The following SRD5A2 variants were observed in gnomAD, a reference collection of about 807,000 sequenced individuals.
SRD5A2 encodes the protein 3-oxo-5-alpha-steroid 4-dehydrogenase 2.
Under a neutral mutation model 27.4 loss-of-function variants are expected in SRD5A2, and 30 were observed. That is an observed-to-expected ratio of 1.10 (90% CI 0.82 to 1.49). SRD5A2 has a LOEUF of 1.49. Ranked by LOEUF, SRD5A2 falls within the 40% of genes most tolerant of loss-of-function variation. The probability of loss-of-function intolerance (pLI) is 0.00; values close to 1 mark genes in which losing one functional copy is unlikely to be tolerated. For missense variants in SRD5A2, 348 were observed against 323.4 expected (o/e 1.08, Z -0.58); for synonymous variants, 141 against 133.6 (o/e 1.06, Z -0.38).
At chr2:31,661,257 T>C in the SRD5A2 span, among the ~76,000 whole-genome samples, 3 of 152,158 alleles carry the variant, frequency 2.0e-5, no homozygotes. Context: ...AGATTCCTAC[T>C]CATTGAGTCT....
Position 31,525,220 on chromosome 2 carries a change from A to T in SRD5A2, c.*976T>A, listed in dbSNP as rs1665750740. 1 of 222,444 alleles carries T rather than the reference A, an allele frequency of 4.5e-6. No individual in the cohort carries two copies. The highest frequency in any genetic ancestry group is 9.0e-6 in the Non-Finnish European group (1 of 111,304). 13.8% of individuals were successfully genotyped at this position (222,444 alleles called of 1,614,324 possible). A position where few individuals can be genotyped will look rare whatever the true frequency, so the allele number is the denominator to read the frequency against. On this transcript the variant is annotated 3_prime_UTR_variant, in exon 5 of 5. Coordinates refer to ENST00000622030, the MANE Select transcript of SRD5A2 (RefSeq NM_000348.4). ...AGAACTACAAGGAAGAAGCTCCAGG[A>T]AAGGAAAGTTGCTTGGGGCTTCTGC...
intron 1 of SRD5A2, among the ~76,000 whole-genome samples, chr2:31,541,928 C>T (rs6543633): frequency 0.17 from 26,014 of 152,178 alleles, 2,746 homozygotes; most frequent in African/African-American, 0.3. Flanking sequence ...ATCCCAGCAG[C>T]TGGAACTTGA....
chr2:31,554,239 T>C (rs1020210843), intron 1 of SRD5A2, among the ~76,000 whole-genome samples: 2 of 152,110 alleles, frequency 1.3e-5, no homozygotes, highest in Non-Finnish European at 2.9e-5. Flanking sequence ...AAAAATGTCT[T>C]ACCTCAATCT....
upstream of SRD5A2, among the ~76,000 whole-genome samples, chr2:31,584,129 G>A (rs1377502599): frequency 6.6e-6 from 1 of 152,132 alleles, no homozygotes; most frequent in Non-Finnish European, 1.5e-5. Flanking sequence ...GGGAACGTAT[G>A]AGCCCTGAAT....
chr2:31,580,688 C>A lies in SRD5A2; in HGVS notation c.213G>T (p.Gln71His). Residue 71 changes from glutamine (Q) to histidine (H), a missense_variant, in exon 1 of 5, where the codon CAG (glutamine) becomes CAT (histidine). Physicochemically the swap from Gln to His is conservative, Grantham distance 24 (BLOSUM62 0). Coordinates refer to ENST00000622030, the MANE Select transcript of SRD5A2 (RefSeq NM_000348.4). ...FAVPAGILAR[Q>H]PLSLFGPPGT... ...CAGGTGGCCCGAAGAGGGAGAGGGG[C>A]TGCCGGGCGAGGATCCCCGCGGGCA... The A allele has an allele frequency of 6.3e-7, 1 of 1,599,928 alleles. No homozygotes were observed. Among genetic ancestry groups the A allele is most frequent in the Non-Finnish European group, 8.5e-7 (1 of 1,178,054 alleles).
the SRD5A2 span, among the ~76,000 whole-genome samples, chr2:31,639,401 T>C: frequency 6.6e-6 from 1 of 152,134 alleles, no homozygotes; most frequent in African/African-American, 2.4e-5. Context: ...TGGAGTATTC[T>C]GAGTGTGTCC....
the SRD5A2 span, among the ~76,000 whole-genome samples, chr2:31,627,571 T>C: frequency 1.3e-5 from 2 of 152,108 alleles, no homozygotes; most frequent in Non-Finnish European, 2.9e-5. Flanking sequence ...GTTTGTTAAA[T>C]CGAGATCTTT....
At chr2:31,626,603 A>G in the SRD5A2 span, among the ~76,000 whole-genome samples, 1 of 152,098 alleles carries the variant, frequency 6.6e-6, no homozygotes, top group Non-Finnish European at 1.5e-5. Flanking sequence ...TTCTGCATCT[A>G]TTGAGATAAT....
chr2:31,634,953 A>G, the SRD5A2 span, among the ~76,000 whole-genome samples: 2 of 152,084 alleles, frequency 1.3e-5, no homozygotes, highest in African/African-American at 4.8e-5. Context: ...CACTGCTTGA[A>G]TCTGTATTTT....
chr2:31,582,016 CT>C (rs1667092114), upstream of SRD5A2, among the ~76,000 whole-genome samples: 1 of 152,212 alleles, frequency 6.6e-6, no homozygotes, highest in Admixed American at 6.5e-5. Context: ...TCTCTTCCTT[CT>C]TTCTTCGACC....
At chr2:31,531,558 G>C (rs1218225858) in intron 2 of SRD5A2, 86 bp from the exon 3 acceptor site, 2 of 886,114 alleles carry the variant, frequency 2.3e-6, no homozygotes, top group Non-Finnish European at 3.5e-6. Flanking sequence ...TAAAATGAAA[G>C]GAGGGGCATT....
the SRD5A2 span, among the ~76,000 whole-genome samples, chr2:31,602,796 A>C: frequency 6.6e-6 from 1 of 151,780 alleles, no homozygotes. Context: ...TGACAAAAAA[A>C]AGAAAAACAG....
intron 1 of SRD5A2, among the ~76,000 whole-genome samples, chr2:31,536,083 T>C (rs1211156731): frequency 6.6e-6 from 1 of 152,232 alleles, no homozygotes; most frequent in East Asian, 1.9e-4. Context: ...AAAAAGTAAC[T>C]GATACAGGAT....
At chr2:31,569,492 C>G (rs985663692) in intron 1 of SRD5A2, among the ~76,000 whole-genome samples, 14 of 152,210 alleles carry the variant, frequency 9.2e-5, no homozygotes, top group African/African-American at 3.4e-4. Context: ...TTTCCCTAAT[C>G]ACTAATAATG....
At chr2:31,610,188 T>C in the SRD5A2 span, among the ~76,000 whole-genome samples, 9 of 152,120 alleles carry the variant, frequency 5.9e-5, no homozygotes, top group African/African-American at 1.4e-4. Flanking sequence ...AGCATTATCC[T>C]GATACCAAAG....
the SRD5A2 span, among the ~76,000 whole-genome samples, chr2:31,658,297 T>A: frequency 6.6e-6 from 1 of 151,926 alleles, no homozygotes; most frequent in African/African-American, 2.4e-5. Context: ...ATTAATAACC[T>A]AACATTATAC....
chr2:31,533,674 AG>A lies in SRD5A2; in HGVS notation c.373del (p.Leu125PhefsTer6). On this transcript the variant is annotated frameshift_variant, in exon 2 of 5. Coordinates refer to ENST00000622030, the MANE Select transcript of SRD5A2 (RefSeq NM_000348.4). LOFTEE classifies it high-confidence loss of function. Reference sequence around the variant, plus strand: ...ACAGTAAATCAGATAGTAGCCTTGAAGGACTCCATTTCCAGTGCAGAAGGCA... The same window carrying A: ...ACAGTAAATCAGATAGTAGCCTTGAAGACTCCATTTCCAGTGCAGAAGGCA... ...GTAFCTGNGV[L>X]QGYYLIYCAE... The A allele has an allele frequency of 6.4e-7, 1 of 1,573,906 alleles. No individual in the cohort carries two copies. Among genetic ancestry groups the A allele is most frequent in the Non-Finnish European group, 8.6e-7 (1 of 1,159,096 alleles).
At chr2:31,653,351 G>C in the SRD5A2 span, among the ~76,000 whole-genome samples, 2 of 152,212 alleles carry the variant, frequency 1.3e-5, no homozygotes, top group East Asian at 3.9e-4. Flanking sequence ...AAATGTACAA[G>C]GACTGCTCAT....
At chr2:31,589,283 C>T in the SRD5A2 span, among the ~76,000 whole-genome samples, 2 of 152,226 alleles carry the variant, frequency 1.3e-5, no homozygotes, top group Non-Finnish European at 2.9e-5. Context: ...GCCCCCGGGC[C>T]CTCATCCACC....
Sources: gnomAD v4.1 joint callset for allele counts (sites outside exome capture counted in the v4.1 genomes callset) on GRCh38, gnomAD v4.1.1 for gene constraint, MANE v1.5 for transcripts, NCBI Gene and HGNC (gene_info 2026-07-23, HGNC 2026-07-21) for gene names.